SCEL: variants seen among roughly 807,000 people sequenced by gnomAD.
The protein encoded by SCEL is sciellin.
Under a neutral mutation model 117.6 loss-of-function variants are expected in SCEL, and 113 were observed. The ratio of observed to expected loss-of-function variants is 0.96; its 90% CI spans 0.83 to 1.12. The LOEUF is 1.12. SCEL is among the 50% of genes most tolerant of loss of function. SCEL has a pLI of 0.00. For synonymous variants in SCEL, 270 were observed against 256.2 expected, an observed-to-expected ratio of 1.05 and a Z score of -0.51; for missense variants, 785 against 810.8, an observed-to-expected ratio of 0.97 and a Z score of 0.39.
rs118115068 is a variant in SCEL, at chr13:77,638,763, C to T, written c.1838+1569C>T. On this transcript the variant is annotated intron_variant, in intron 30 of 32. Transcript: ENST00000349847. ...CTTTTGCACATTCTCCATGGCCCTT[C>T]AGAACCTGCTCCAGCAGAATATTCA... Among the ~76,000 whole-genome samples the T allele has an allele frequency of 1.5e-3, 221 of 152,278 alleles. 7 individuals carry two copies. The East Asian group carries it at 0.042, about 29-fold the overall frequency.
chr13:77,566,430 G>A (rs541432784), intron 5 of SCEL, among the ~76,000 whole-genome samples: 3 of 149,756 alleles, frequency 2.0e-5, no homozygotes, highest in South Asian at 2.1e-4. Flanking sequence ...AACAGGGGCC[G>A]AAGTTATGAG....
intron 1 of SCEL, among the ~76,000 whole-genome samples, chr13:77,549,534 C>T (rs1424483070): frequency 6.6e-6 from 1 of 152,186 alleles, no homozygotes; most frequent in Non-Finnish European, 1.5e-5. Flanking sequence ...TTTATCCTTG[C>T]AACTCTCATT....
chr13:77,559,666 T>C, intron 3 of SCEL, 138 bp from the exon 4 acceptor site: 1 of 660,670 alleles, frequency 1.5e-6, no homozygotes, highest in Admixed American at 2.5e-5. Flanking sequence ...AGATACATAA[T>C]TTTGTGTTCT....
rs150333707 is a variant in SCEL, at chr13:77,575,864, G to T, written c.545+3675G>T. On this transcript the variant is annotated intron_variant, in intron 9 of 32. Transcript: ENST00000349847. ...TATGCCAAGCAGATTATCCTTTGAA[G>T]TCTTCTTGTCAGAACATGTTTTCTT... is the stretch of plus-strand genomic sequence containing the variant. 1.4e-3 allele frequency among the ~76,000 whole-genome samples: 206 copies of T among 152,284 alleles called. 1 individual carries two copies. Among genetic ancestry groups the T allele is most frequent in the Non-Finnish European group, 2.1e-3 (145 of 68,010 alleles).
chr13:77,624,060 G>T (rs1333368521), intron 27 of SCEL, among the ~76,000 whole-genome samples: 3 of 151,086 alleles, frequency 2.0e-5, no homozygotes, highest in Non-Finnish European at 4.4e-5. Context: ...AAGTATCTGT[G>T]CCAGGCCTCT....
chr13:77,592,629 G>A (rs1209521035), intron 11 of SCEL, among the ~76,000 whole-genome samples: 1 of 146,076 alleles, frequency 6.8e-6, no homozygotes, highest in Non-Finnish European at 1.5e-5. Context: ...AGAACTTATA[G>A]CTCACTGCAG....
intron 1 of SCEL, among the ~76,000 whole-genome samples, chr13:77,554,819 C>T (rs2084557374): frequency 6.6e-6 from 1 of 152,042 alleles, no homozygotes; most frequent in Non-Finnish European, 1.5e-5. Flanking sequence ...CTCCTATGGT[C>T]CATACTACAC....
intron 10 of SCEL, among the ~76,000 whole-genome samples, chr13:77,589,521 C>T (rs1050257671): frequency 6.6e-6 from 1 of 152,032 alleles, no homozygotes. Context: ...TCCTAATATA[C>T]AAATATAAAT....
chr13:77,599,862 G>A, intron 15 of SCEL, 114 bp downstream of exon 15: 2 of 754,072 alleles, frequency 2.7e-6, no homozygotes, highest in South Asian at 3.1e-5. Context: ...ATAAGCCTTA[G>A]ACTGGGGTCC....
At chr13:77,611,037 C>T (rs1314344304) in intron 22 of SCEL, among the ~76,000 whole-genome samples, 5 of 152,138 alleles carry the variant, frequency 3.3e-5, no homozygotes, top group Admixed American at 2.0e-4. Flanking sequence ...GATTTCCTAT[C>T]TTATTTTGCA....
intron 28 of SCEL, among the ~76,000 whole-genome samples, chr13:77,632,915 C>T (rs964226260): frequency 1.3e-5 from 2 of 152,144 alleles, no homozygotes; most frequent in African/African-American, 2.4e-5. Flanking sequence ...CATTTTCATT[C>T]AATTGATAAA....
At chr13:77,623,236 T>C (rs558990158) in intron 27 of SCEL, 2 of 152,250 alleles carry the variant, frequency 1.3e-5, no homozygotes, top group Non-Finnish European at 2.9e-5. Flanking sequence ...GTGCTTCTTT[T>C]ACTGGATCTT....
chr13:77,615,702 C>T (rs879621344), intron 24 of SCEL, among the ~76,000 whole-genome samples: 43 of 152,086 alleles, frequency 2.8e-4, no homozygotes, highest in Non-Finnish European at 6.0e-4. Flanking sequence ...AAAAAATCTA[C>T]ATATTTGTTG....
At chr13:77,558,116 C>T (rs539462560) in intron 3 of SCEL, among the ~76,000 whole-genome samples, 1 of 152,302 alleles carries the variant, frequency 6.6e-6, no homozygotes, top group South Asian at 2.1e-4. Context: ...GACATGTAGA[C>T]CATACATTTT....
rs1366779051 is a variant in SCEL, at chr13:77,563,743, A to G, written c.222-88A>G. 3 of 951,820 alleles carry G rather than the reference A, an allele frequency of 3.2e-6. No individual in the cohort carries two copies. The East Asian group carries it at 7.7e-5, about 25-fold the overall frequency. 59.0% of individuals were successfully genotyped at this position (951,820 alleles called of 1,614,324 possible). A position where few individuals can be genotyped will look rare whatever the true frequency, so the allele number is the denominator to read the frequency against. On this transcript the variant is annotated intron_variant, in intron 4 of 32. Transcript: ENST00000349847. ...TATATTTCCTACTGAAATAGGTCAA[A>G]ATATTGCCATATGTATGATAGGTTT...
chr13:77,634,376 C>T lies in SCEL; in HGVS notation c.1692-3C>T. 3 of 1,611,678 alleles carry T rather than the reference C, an allele frequency of 1.9e-6. No individual in the cohort carries two copies. Among genetic ancestry groups the T allele is most frequent in the Non-Finnish European group, 2.5e-6 (3 of 1,178,102 alleles). On this transcript the variant is annotated splice_polypyrimidine_tract_variant and splice_region_variant and intron_variant, in intron 28 of 32. Coordinates refer to ENST00000349847, the MANE Select transcript of SCEL (RefSeq NM_144777.3). ...TCATGAAGTAAAATGATTTGTTTTG[C>T]AGCTCTAACACTGGAGCCAAGCAGG...
At chr13:77,581,401 A>C (rs1433411586) in intron 9 of SCEL, among the ~76,000 whole-genome samples, 2 of 152,238 alleles carry the variant, frequency 1.3e-5, no homozygotes, top group Non-Finnish European at 2.9e-5. Context: ...TCCTATGGGA[A>C]CAACCTAGAC....
rs529562091 is a variant in SCEL at position 77,536,166 on chromosome 13, CA to C, written c.-20+344del. On this transcript the variant is annotated intron_variant, in intron 1 of 32. Coordinates refer to ENST00000349847, the MANE Select transcript of SCEL (RefSeq NM_144777.3). Reference sequence around the variant, plus strand: ...ACCAGCACCTGCTGGTTTATTTTCTCAAGCGACTATACAAACATTTTTTAAA... The same window carrying C: ...ACCAGCACCTGCTGGTTTATTTTCTCAGCGACTATACAAACATTTTTTAAA... Among the ~76,000 whole-genome samples the C allele has an allele frequency of 3.5e-3, 538 of 152,282 alleles. 1 individual carries two copies. Among genetic ancestry groups the C allele is most frequent in the Non-Finnish European group, 6.2e-3 (419 of 68,022 alleles).
At chr13:77,616,015 T>A (rs866628463) in intron 24 of SCEL, among the ~76,000 whole-genome samples, 4,551 of 143,138 alleles carry the variant, frequency 0.032, 111 homozygotes, top group Non-Finnish European at 0.05. Context: ...TGTGTGTGTG[T>A]GTGTGTGTGT....
Sources: gnomAD v4.1 joint callset for allele counts (sites outside exome capture counted in the v4.1 genomes callset) on GRCh38, gnomAD v4.1.1 for gene constraint, MANE v1.5 for transcripts, NCBI Gene and HGNC (gene_info 2026-07-23, HGNC 2026-07-21) for gene names.